UNC13B: variants seen among roughly 807,000 people sequenced by gnomAD.
UNC13B encodes the protein protein unc-13 homolog B.
UNC13B carries 144 observed loss-of-function variants against 211.0 expected under a neutral mutation model. That is an observed-to-expected ratio of 0.68 (90% CI 0.60 to 0.78). The LOEUF (loss-of-function observed/expected upper bound fraction) is 0.78. Among genes scored for constraint, UNC13B ranks in the 30% least tolerant of loss-of-function variants. The probability of loss-of-function intolerance (pLI) is 0.00; values close to 1 mark genes in which losing one functional copy is unlikely to be tolerated. For missense variants in UNC13B, 1,777 were observed against 2,002.0 expected (o/e 0.89, Z 2.14); for synonymous variants, 709 against 725.8 (o/e 0.98, Z 0.37).
At chr9:35,352,530 A>G (rs1023524162) in intron 11 of UNC13B, 15 of 1,232,010 alleles carry the variant, frequency 1.2e-5, no homozygotes, top group African/African-American at 9.3e-5. Context: ...ACTTCTTTAA[A>G]CCAGGATGAA....
At chr9:35,267,990 A>T (rs1682844992) in intron 7 of UNC13B, among the ~76,000 whole-genome samples, 1 of 152,110 alleles carries the variant, frequency 6.6e-6, no homozygotes, top group African/African-American at 2.4e-5. Context: ...AAGCAGTTCC[A>T]TTCTCTTCTC....
At chr9:35,214,245 C>A (rs1156529179) in intron 1 of UNC13B, among the ~76,000 whole-genome samples, 2 of 151,964 alleles carry the variant, frequency 1.3e-5, no homozygotes, top group Non-Finnish European at 2.9e-5. Flanking sequence ...CTGACTAACA[C>A]AATAAAACCC....
At chr9:35,370,065 G>C (rs1834017611) in intron 12 of UNC13B, among the ~76,000 whole-genome samples, 1 of 152,188 alleles carries the variant, frequency 6.6e-6, no homozygotes, top group African/African-American at 2.4e-5. Context: ...CTATCACTGG[G>C]ATAAAAGAGC....
At chr9:35,398,017 C>T (rs975288883) in intron 30 of UNC13B, among the ~76,000 whole-genome samples, 194 bp from the exon 31 acceptor site, 2 of 152,112 alleles carry the variant, frequency 1.3e-5, no homozygotes, top group Non-Finnish European at 2.9e-5. Context: ...GTACCTACCA[C>T]CCAGCTTAAA....
chr9:35,385,159 G>A (rs1045689762), intron 22 of UNC13B: 6 of 985,222 alleles, frequency 6.1e-6, no homozygotes, highest in East Asian at 1.1e-4. Context: ...CCTAAGACTC[G>A]TGCCAAAGTG....
rs1420349288 is a variant in UNC13B at position 35,353,895 on chromosome 9, A to G, written c.9415-13052A>G. ...CAGCATGAGACCTGGTGTGGTGGCC[A>G]GTTTAATAAGGTGTTGGTTGACGTC... On this transcript the variant is annotated intron_variant, in intron 11 of 39. Transcript: ENST00000635942. The G allele has an allele frequency of 5.9e-6, 5 of 851,812 alleles. No homozygotes were observed. In the Admixed American group the frequency reaches 1.3e-4, roughly 22 times the overall value. The allele number at this position is 851,812 out of a possible 1,614,324, so 52.8% of individuals were successfully genotyped here.
At chr9:35,260,333 A>C (rs1827205552) in intron 7 of UNC13B, among the ~76,000 whole-genome samples, 1 of 152,232 alleles carries the variant, frequency 6.6e-6, no homozygotes, top group South Asian at 2.1e-4. Context: ...AACAACCCTA[A>C]GACAGATTTT....
chr9:35,344,070 C>T (rs1269844222), intron 11 of UNC13B, among the ~76,000 whole-genome samples: 1 of 152,080 alleles, frequency 6.6e-6, no homozygotes, highest in Admixed American at 6.6e-5. Context: ...TCTAAACTCA[C>T]CCATCACTAG....
chr9:35,341,846 AGAG>A, intron 11 of UNC13B: 3 of 849,848 alleles, frequency 3.5e-6, no homozygotes, highest in South Asian at 5.4e-5. Flanking sequence ...AAGCAGCTGG[AGAG>A]GAGGAGGAGC....
intron 1 of UNC13B, among the ~76,000 whole-genome samples, chr9:35,212,245 A>T (rs1433048241): frequency 6.6e-6 from 1 of 152,142 alleles, no homozygotes; most frequent in Non-Finnish European, 1.5e-5. Context: ...TAAGAGAAAA[A>T]ATATCCCATC....
intron 11 of UNC13B, among the ~76,000 whole-genome samples, chr9:35,355,041 A>G (rs1440775284): frequency 6.6e-6 from 1 of 152,238 alleles, no homozygotes; most frequent in Non-Finnish European, 1.5e-5. Flanking sequence ...TGGCACGTCC[A>G]AACAATGGGA....
chr9:35,247,681 G>C (rs771221075), intron 6 of UNC13B, among the ~76,000 whole-genome samples: 1 of 152,210 alleles, frequency 6.6e-6, no homozygotes, highest in African/African-American at 2.4e-5. Flanking sequence ...TGTTGAACCA[G>C]TCTTGCATCC....
At chr9:35,261,954 C>T (rs771052360) in intron 7 of UNC13B, among the ~76,000 whole-genome samples, 1 of 152,100 alleles carries the variant, frequency 6.6e-6, no homozygotes, top group Non-Finnish European at 1.5e-5. Flanking sequence ...GACAGGATCT[C>T]ATTCTTTTTT....
At chr9:35,399,566 A>G in intron 35 of UNC13B, 83 bp from the exon 36 acceptor site, 1 of 1,598,310 alleles carries the variant, frequency 6.3e-7, no homozygotes, top group Non-Finnish European at 8.6e-7. Flanking sequence ...GAGGAGATGA[A>G]TATGCACTGG....
At chr9:35,329,098 T>C (rs1056177614) in intron 11 of UNC13B, among the ~76,000 whole-genome samples, 1 of 152,020 alleles carries the variant, frequency 6.6e-6, no homozygotes, top group Non-Finnish European at 1.5e-5. Flanking sequence ...TTCCCTTGCC[T>C]TTTAAATATC....
chr9:35,300,723 T>C lies in UNC13B; in HGVS notation c.1319T>C (p.Ile440Thr), dbSNP rs1213301844. ...CTTGGAGATCTGTCTGAGTGCTCTA[T>C]AGAAGAGATAACCCCTTCCTCTATT... ...KTLGDLSECS[I>T]EEITPSSIEE... The change falls in exon 9 of 40, where the codon ATA (isoleucine) becomes ACA (threonine). Residue 440 changes from isoleucine (I) to threonine (T), a missense_variant. Transcript: ENST00000635942. 2 of 398,894 alleles carry C rather than the reference T, an allele frequency of 5.0e-6. No homozygotes were observed. Among genetic ancestry groups the C allele is most frequent in the Non-Finnish European group, 8.8e-6 (2 of 226,046 alleles). The allele number at this position is 398,894 out of a possible 1,614,324, so 24.7% of individuals were successfully genotyped here.
chr9:35,256,797 TATTA>T (rs1826906270), intron 6 of UNC13B, among the ~76,000 whole-genome samples: 1 of 152,216 alleles, frequency 6.6e-6, no homozygotes, highest in South Asian at 2.1e-4. Context: ...CCTAGTAATC[TATTA>T]ATTAGGATTT....
intron 1 of UNC13B, among the ~76,000 whole-genome samples, chr9:35,223,071 A>G (rs768175266): frequency 2.6e-5 from 4 of 152,160 alleles, no homozygotes; most frequent in Admixed American, 6.5e-5. Flanking sequence ...GTATATATAT[A>G]CCACATTTTC....
chr9:35,280,232 T>C (rs1160548549), intron 7 of UNC13B, among the ~76,000 whole-genome samples: 1 of 152,188 alleles, frequency 6.6e-6, no homozygotes, highest in African/African-American at 2.4e-5. Flanking sequence ...AGTTTCGAGA[T>C]GACTTTTGAA....
Sources: gnomAD v4.1 joint callset for allele counts (sites outside exome capture counted in the v4.1 genomes callset) on GRCh38, gnomAD v4.1.1 for gene constraint, MANE v1.5 for transcripts, NCBI Gene and HGNC (gene_info 2026-07-23, HGNC 2026-07-21) for gene names.